HOXB3: variants seen among roughly 807,000 people sequenced by gnomAD.
The protein encoded by HOXB3 is homeobox protein Hox-B3.
A neutral mutation model predicts 29.2 loss-of-function variants in HOXB3; 17 were observed. That is an observed-to-expected ratio of 0.58 (90% confidence interval 0.40 to 0.87). HOXB3 has a LOEUF of 0.87. Ranked by LOEUF, HOXB3 falls within the 40% of genes least tolerant of loss-of-function variation. HOXB3 has a pLI of 0.00. For missense variants in HOXB3, 637 were observed against 616.3 expected (o/e 1.03, Z -0.35); for synonymous variants, 317 against 285.9 (o/e 1.11, Z -1.10).
chr17:48,578,406 C>T (rs2069842019), intron 1 of HOXB3: 1 of 1,492,264 alleles, frequency 6.7e-7, no homozygotes, highest in Non-Finnish European at 8.9e-7. Context: ...CTCCTACTTA[C>T]TGTCAAGTGA....
chr17:48,585,425 G>GC (rs1216077398), intron 1 of HOXB3, among the ~76,000 whole-genome samples: 1 of 152,166 alleles, frequency 6.6e-6, no homozygotes, highest in South Asian at 2.1e-4. Flanking sequence ...TGCTCACAGG[G>GC]CTAGAGGGAG....
chr17:48,586,298 G>T (rs1156486876), intron 1 of HOXB3, among the ~76,000 whole-genome samples: 4 of 152,184 alleles, frequency 2.6e-5, no homozygotes, highest in African/African-American at 9.7e-5. Context: ...ACAGGTTCCC[G>T]AATTGCCCGA....
chr17:48,587,152 G>C (rs576032320), intron 1 of HOXB3, among the ~76,000 whole-genome samples: 1 of 152,104 alleles, frequency 6.6e-6, no homozygotes, highest in South Asian at 2.1e-4. Context: ...CATGTGCAGA[G>C]GGCCCTCCAA....
chr17:48,574,663 G>C (rs1405047663), intron 1 of HOXB3, among the ~76,000 whole-genome samples: 1 of 152,110 alleles, frequency 6.6e-6, no homozygotes, highest in Non-Finnish European at 1.5e-5. Context: ...GGAGCCCCCA[G>C]ACCTTAGAAC....
intron 1 of HOXB3, chr17:48,576,828 C>T: frequency 1.2e-6 from 2 of 1,614,250 alleles, no homozygotes; most frequent in Non-Finnish European, 1.7e-6. Context: ...GTCTTTTTTC[C>T]ACTTCATGCG....
At chr17:48,576,744 T>C (rs769192702) in intron 1 of HOXB3, 19 of 1,469,338 alleles carry the variant, frequency 1.3e-5, no homozygotes, top group Admixed American at 1.8e-5. Flanking sequence ...GGGGCCTCCA[T>C]TGGGCCGGCC....
chr17:48,578,002 G>A (rs201040786), intron 1 of HOXB3: 42,250 of 1,294,528 alleles, frequency 0.033, 768 homozygotes, highest in Non-Finnish European at 0.037. Flanking sequence ...AGCGCTGGCC[G>A]GGCTCCGGGA....
At chr17:48,579,940 GAC>G (rs2069890988) in intron 1 of HOXB3, 1 of 516,672 alleles carries the variant, frequency 1.9e-6, no homozygotes, top group Non-Finnish European at 3.9e-6. Flanking sequence ...ACAGAAGACA[GAC>G]AGATCTTCTT....
At chr17:48,563,177 C>CA (rs2069258654) in intron 2 of HOXB3, among the ~76,000 whole-genome samples, 1 of 152,190 alleles carries the variant, frequency 6.6e-6, no homozygotes, top group Admixed American at 6.5e-5. Context: ...GGGCAGAAGG[C>CA]ACAGGAGGCA....
Position 48,551,156 on chromosome 17 carries a change from A to ACCGCCG in HOXB3, c.468_473dup (p.Gly163_Gly164dup), listed in dbSNP as rs748315432. ...CACCACTGCCTCCGCCGCCGCCGCC[A>ACCGCCG]CCGCCGCCGCCACCACAGCCCTCTG... On this transcript the variant is annotated inframe_insertion, in exon 5 of 5. Coordinates refer to ENST00000498678, the MANE Select transcript of HOXB3 (RefSeq NM_001384749.1). 13 of 1,274,078 alleles carry ACCGCCG rather than the reference A, an allele frequency of 1.0e-5. No individual in the cohort carries two copies. The highest frequency in any genetic ancestry group is 1.3e-5 in the Non-Finnish European group (13 of 1,008,836). 78.9% of individuals were successfully genotyped at this position (1,274,078 alleles called of 1,614,324 possible). A position where few individuals can be genotyped will look rare whatever the true frequency, so the allele number is the denominator to read the frequency against.
chr17:48,576,650 T>TTCCCCC, intron 1 of HOXB3: 29 of 567,760 alleles, frequency 5.1e-5, no homozygotes, highest in South Asian at 2.6e-4. Context: ...CCCCCTCCTG[T>TTCCCCC]CCCCCCACCC....
At chr17:48,572,594 G>A (rs554962619) in intron 2 of HOXB3, among the ~76,000 whole-genome samples, 113 of 152,290 alleles carry the variant, frequency 7.4e-4, no homozygotes, top group Middle Eastern at 3.4e-3. Flanking sequence ...GAGTGGTTGC[G>A]GGGAGGATGG....
intron 2 of HOXB3, chr17:48,556,666 G>C (rs969199181): frequency 1.6e-4 from 24 of 152,162 alleles, no homozygotes; most frequent in African/African-American, 5.5e-4. Context: ...GGAGGGTTGA[G>C]AAAAGGGTGA....
chr17:48,585,304 A>T (rs2070025731), intron 1 of HOXB3, among the ~76,000 whole-genome samples: 1 of 152,216 alleles, frequency 6.6e-6, no homozygotes, highest in Non-Finnish European at 1.5e-5. Context: ...TTGCCGGATG[A>T]GGAGACCTAT....
rs1235551880 is a variant in HOXB3, at chr17:48,551,159, G to A, written c.471C>T (p.Gly157=). 5 of 1,282,584 alleles carry A rather than the reference G, an allele frequency of 3.9e-6. No individual in the cohort carries two copies. The highest frequency in any genetic ancestry group is 5.3e-5 in the South Asian group (2 of 37,428). 79.5% of individuals were successfully genotyped at this position (1,282,584 alleles called of 1,614,324 possible). A position where few individuals can be genotyped will look rare whatever the true frequency, so the allele number is the denominator to read the frequency against. Residue 157 remains glycine (G), a synonymous_variant, in exon 5 of 5, where the codon GGC becomes GGT. Transcript: ENST00000498678. ...CACTGCCTCCGCCGCCGCCGCCACCGCCGCCGCCACCACAGCCCTCTGCTG... is the reference window on the plus strand; with the variant it reads ...CACTGCCTCCGCCGCCGCCGCCACCACCGCCGCCACCACAGCCCTCTGCTG... ...PGTAEGCGGG[G]GGGGGGGSGG...
chr17:48,564,356 GCAGCAACCCC>G (rs1266791718), intron 2 of HOXB3, among the ~76,000 whole-genome samples: 5 of 151,930 alleles, frequency 3.3e-5, no homozygotes, highest in South Asian at 4.1e-4. Context: ...CGCTCAACCC[GCAGCAACCCC>G]CAGCAACCCC....
At chr17:48,565,746 C>T (rs1293885610) in intron 2 of HOXB3, among the ~76,000 whole-genome samples, 6 of 152,236 alleles carry the variant, frequency 3.9e-5, no homozygotes, top group Non-Finnish European at 5.9e-5. Context: ...TTCCTTCCCA[C>T]TGCCCTTGTT....
chr17:48,576,406 AG>A (rs1476387708), intron 1 of HOXB3: 1 of 251,364 alleles, frequency 4.0e-6, no homozygotes, highest in Non-Finnish European at 7.5e-6. Context: ...GAGGAGCTGC[AG>A]CCTCCTCCTA....
chr17:48,560,095 G>C (rs544683564), intron 2 of HOXB3: 1 of 152,736 alleles, frequency 6.5e-6, no homozygotes, highest in South Asian at 2.1e-4. Flanking sequence ...CAAGTGTTGA[G>C]ACAAAGGTGG....
Sources: gnomAD v4.1 joint callset for allele counts (sites outside exome capture counted in the v4.1 genomes callset) on GRCh38, gnomAD v4.1.1 for gene constraint, MANE v1.5 for transcripts, NCBI Gene and HGNC (gene_info 2026-07-23, HGNC 2026-07-21) for gene names.